GRIN2A: variants seen among roughly 807,000 people sequenced by gnomAD.
The protein encoded by GRIN2A is glutamate ionotropic receptor NMDA type subunit 2A.
A neutral mutation model predicts 113.4 loss-of-function variants in GRIN2A; 22 were observed. The observed-to-expected ratio is 0.19, with a 90% CI of 0.14 to 0.28. The LOEUF is 0.28. Ranked by LOEUF, GRIN2A falls within the 10% of genes least tolerant of loss-of-function variation. GRIN2A has a pLI of 1.00. For missense variants in GRIN2A, 1,502 were observed against 1,887.0 expected (o/e 0.80, Z 3.78); for synonymous variants, 827 against 738.4 (o/e 1.12, Z -1.94).
intron 2 of GRIN2A, among the ~76,000 whole-genome samples, chr16:10,071,708 C>T (rs1292871099): frequency 6.6e-6 from 1 of 152,148 alleles, no homozygotes; most frequent in Non-Finnish European, 1.5e-5. Context: ...ATTTTGGGCA[C>T]AGTACCTGGC....
intron 10 of GRIN2A, among the ~76,000 whole-genome samples, chr16:9,803,105 T>C (rs1425782420): frequency 2.0e-5 from 3 of 152,294 alleles, no homozygotes; most frequent in South Asian, 4.1e-4. Flanking sequence ...GTTTTCCCTA[T>C]GAAAAATGGA....
intron 3 of GRIN2A, among the ~76,000 whole-genome samples, chr16:9,914,916 T>G (rs1357617942): frequency 7.3e-5 from 4 of 54,896 alleles, no homozygotes; most frequent in African/African-American, 4.2e-4. Context: ...TTTTTTTTTT[T>G]TTTTTTTTTT....
intron 2 of GRIN2A, among the ~76,000 whole-genome samples, chr16:10,108,025 C>T (rs1031852862): frequency 6.6e-6 from 1 of 152,188 alleles, no homozygotes; most frequent in Admixed American, 6.5e-5. Context: ...TATGTCTCAT[C>T]CAGTTCCTCC....
intron 9 of GRIN2A, among the ~76,000 whole-genome samples, chr16:9,826,633 A>C (rs907434633): frequency 6.6e-6 from 1 of 152,160 alleles, no homozygotes; most frequent in African/African-American, 2.4e-5. Flanking sequence ...ATCTTCTATT[A>C]ATCTTCTGGG....
intron 3 of GRIN2A, among the ~76,000 whole-genome samples, chr16:9,914,096 T>TAA (rs61449281): frequency 1.2e-4 from 17 of 141,752 alleles, no homozygotes; most frequent in African/African-American, 3.9e-4. Flanking sequence ...CATTCTTGGT[T>TAA]AAAAAAAAAA....
chr16:9,839,382 A>G (rs1275468143), intron 7 of GRIN2A, among the ~76,000 whole-genome samples: 1 of 152,278 alleles, frequency 6.6e-6, no homozygotes, highest in East Asian at 1.9e-4. Context: ...GATTTAAAAA[A>G]AAAAAACACC....
At chr16:9,880,348 A>T (rs1457582611) in intron 4 of GRIN2A, among the ~76,000 whole-genome samples, 2 of 152,174 alleles carry the variant, frequency 1.3e-5, no homozygotes, top group African/African-American at 2.4e-5. Flanking sequence ...TTCTGCAACT[A>T]TTAGGCTTGT....
intron 10 of GRIN2A, among the ~76,000 whole-genome samples, chr16:9,809,563 T>TTC (rs1555489761): frequency 6.6e-6 from 1 of 152,124 alleles, no homozygotes; most frequent in East Asian, 1.9e-4. Context: ...TTTTTTTTTT[T>TTC]TACAATGAGG....
intron 4 of GRIN2A, among the ~76,000 whole-genome samples, chr16:9,875,947 A>G (rs754693421): frequency 2.6e-5 from 4 of 152,170 alleles, no homozygotes; most frequent in South Asian, 4.1e-4. Flanking sequence ...TGTCCCTCCC[A>G]CTACATTATA....
chr16:9,819,921 C>CAA lies in GRIN2A; in HGVS notation c.2168+2341_2168+2342dup, dbSNP rs71157787. 5.5e-4 allele frequency among the ~76,000 whole-genome samples: 35 copies of CAA among 63,676 alleles called. 4 individuals are homozygous for CAA. Among genetic ancestry groups the CAA allele is most frequent in the Admixed American group, 6.7e-4 (3 of 4,454 alleles). 41.8% of individuals were successfully genotyped at this position (63,676 alleles called of 152,430 possible). On this transcript the variant is annotated intron_variant, in intron 10 of 12. Coordinates refer to ENST00000330684, the MANE Select transcript of GRIN2A (RefSeq NM_001134407.3). ...GAGCAACAAGAGCGAAACTCCGTCT[C>CAA]AAAAAAAAAAAAAAAAAAAAAAAAA...
At chr16:9,857,925 A>G (rs893955940) in intron 4 of GRIN2A, among the ~76,000 whole-genome samples, 1 of 152,082 alleles carries the variant, frequency 6.6e-6, no homozygotes, top group African/African-American at 2.4e-5. Flanking sequence ...TTTTCTCCAC[A>G]TTTCTCCCAA....
At chr16:10,165,737 GGAGGGGAGGGGAGAAA>G (rs2049907020) in intron 2 of GRIN2A, among the ~76,000 whole-genome samples, 18 of 59,474 alleles carry the variant, frequency 3.0e-4, no homozygotes, top group East Asian at 6.4e-4. Context: ...AGGGGAGAAA[GGAGGGGAGGGGAGAAA>G]GGAGGGGAGG....
intron 2 of GRIN2A, among the ~76,000 whole-genome samples, chr16:9,975,551 A>G (rs117775188): frequency 0.012 from 1,856 of 152,312 alleles, 19 homozygotes; most frequent in Middle Eastern, 0.02. Flanking sequence ...CAGTTCCACA[A>G]CTCTTCGGTT....
rs144270752 is a variant in GRIN2A at position 10,169,794 on chromosome 16, G to T, written c.414+10204C>A. Among the ~76,000 whole-genome samples, 16 of 152,316 alleles carry T rather than the reference G, an allele frequency of 1.1e-4. No homozygotes were observed. In the East Asian group the frequency reaches 3.1e-3, roughly 29 times the overall value. ...CCTGAAAGCACTCCAAACAACAGAA[G>T]AGGTATAATGGAGCTATCACCTCCC... On this transcript the variant is annotated intron_variant, in intron 2 of 12. Transcript: ENST00000330684.
chr16:9,989,433 A>G (rs1392984801), intron 2 of GRIN2A, among the ~76,000 whole-genome samples: 1 of 152,216 alleles, frequency 6.6e-6, no homozygotes, highest in African/African-American at 2.4e-5. Context: ...AAACTATAAA[A>G]AAATCCTAGA....
chr16:10,099,814 A>T (rs2048359010), intron 2 of GRIN2A, among the ~76,000 whole-genome samples: 2 of 152,236 alleles, frequency 1.3e-5, no homozygotes, highest in Admixed American at 1.3e-4. Flanking sequence ...AATGTTTGTT[A>T]TTCCAAACAC....
chr16:9,930,772 T>G lies in GRIN2A; in HGVS notation c.1007+7187A>C, dbSNP rs573565019. Among the ~76,000 whole-genome samples, 196 of 152,328 alleles carry G rather than the reference T, an allele frequency of 1.3e-3. 1 individual carries two copies. Among genetic ancestry groups the G allele is most frequent in the African/African-American group, 4.4e-3 (181 of 41,582 alleles). On this transcript the variant is annotated intron_variant, in intron 3 of 12. Coordinates refer to ENST00000330684, the MANE Select transcript of GRIN2A (RefSeq NM_001134407.3). Reference sequence around the variant, plus strand: ...TCATTCTGATTACTAAATAAAAATATGTCAACCAGGTTTAGCACAGTCTCT... The same window carrying G: ...TCATTCTGATTACTAAATAAAAATAGGTCAACCAGGTTTAGCACAGTCTCT...
chr16:10,094,976 A>G (rs941637618), intron 2 of GRIN2A, among the ~76,000 whole-genome samples: 1 of 151,828 alleles, frequency 6.6e-6, no homozygotes, highest in Non-Finnish European at 1.5e-5. Context: ...GCCATTGACT[A>G]TATTTGGAGA....
chr16:9,855,683 C>A (rs1260212188), intron 4 of GRIN2A, among the ~76,000 whole-genome samples: 1 of 152,100 alleles, frequency 6.6e-6, no homozygotes, highest in Non-Finnish European at 1.5e-5. Context: ...AGAAGAGGGG[C>A]AAAGGTGGCA....
Sources: gnomAD v4.1 joint callset for allele counts (sites outside exome capture counted in the v4.1 genomes callset) on GRCh38, gnomAD v4.1.1 for gene constraint, MANE v1.5 for transcripts, NCBI Gene and HGNC (gene_info 2026-07-23, HGNC 2026-07-21) for gene names.